The following NCF1 variants were observed in gnomAD, a reference collection of about 807,000 sequenced individuals.
NCF1 encodes the protein neutrophil cytosol factor 1.
In NCF1, 8 loss-of-function variants were observed where a neutral mutation model predicts 34.9. The observed-to-expected ratio is 0.23, with a 90% CI of 0.13 to 0.41. The LOEUF (loss-of-function observed/expected upper bound fraction) is 0.41, where lower values mean the gene tolerates loss of function less well. Among genes scored for constraint, NCF1 ranks in the 10% least tolerant of loss-of-function variants. NCF1 has a pLI of 1.00. For missense variants in NCF1, 122 were observed against 362.4 expected, an observed-to-expected ratio of 0.34 and a Z score of 5.39; for synonymous variants, 57 against 146.3, an observed-to-expected ratio of 0.39 and a Z score of 4.41.
At chr7:74,782,447 A>C (rs1347773708) in intron 5 of NCF1, among the ~76,000 whole-genome samples, 2 of 83,490 alleles carry the variant, frequency 2.4e-5, no homozygotes, top group African/African-American at 1.0e-4. Context: ...AAAAAAAAAA[A>C]AAAGTTGGGA....
At chr7:74,782,387 C>T (rs1304549031) in intron 5 of NCF1, among the ~76,000 whole-genome samples, 1 of 75,842 alleles carries the variant, frequency 1.3e-5, no homozygotes, top group Non-Finnish European at 2.6e-5. Context: ...TGCAATGAGC[C>T]AAGATTGCAC....
At chr7:74,777,236 A>G (rs1554413100) in intron 1 of NCF1, 31 bp from the exon 2 acceptor site, 1 of 1,606,112 alleles carries the variant, frequency 6.2e-7, no homozygotes, top group African/African-American at 1.3e-5. Context: ...TGGAGGCTGA[A>G]TGGGGTCCCC....
intron 8 of NCF1, among the ~76,000 whole-genome samples, chr7:74,786,945 TG>T (rs1192108611): frequency 6.8e-6 from 1 of 146,472 alleles, no homozygotes; most frequent in Non-Finnish European, 1.5e-5. Flanking sequence ...AGTTTTCTTT[TG>T]TTTTTTTTTT....
chr7:74,783,393 G>T, intron 6 of NCF1, 132 bp from the exon 7 acceptor site: 1 of 1,038,064 alleles, frequency 9.6e-7, no homozygotes, highest in Non-Finnish European at 1.5e-6. Flanking sequence ...GTCCAGTGTG[G>T]TGAAGGTGAC....
chr7:74,787,088 C>CACAT (rs1796688139), intron 8 of NCF1, among the ~76,000 whole-genome samples: 1 of 147,778 alleles, frequency 6.8e-6, no homozygotes, highest in Admixed American at 6.8e-5. Flanking sequence ...TCACACTGTA[C>CACAT]ACATATGTTT....
In NCF1 at chr7:74,783,635, G is replaced by T. The variant is rs1554414144; in HGVS notation, c.682+3G>T. Reference sequence around the variant, plus strand: ...AGACCCTGAGCCCAACTATGCAGGTGCCCCCTGCCCTCCGAGGCTGTAGGG... The same window carrying T: ...AGACCCTGAGCCCAACTATGCAGGTTCCCCCTGCCCTCCGAGGCTGTAGGG... On this transcript the variant is annotated splice_donor_region_variant and intron_variant, in intron 7 of 10. Coordinates refer to ENST00000289473, the MANE Select transcript of NCF1 (RefSeq NM_000265.7). 6.2e-7 allele frequency: 1 copy of T among 1,610,548 alleles called. No individual in the cohort carries two copies.
At chr7:74,783,152 C>G (rs1796606263) in intron 6 of NCF1, 91 bp downstream of exon 6, 5 of 1,574,716 alleles carry the variant, frequency 3.2e-6, no homozygotes, top group East Asian at 2.3e-5. Context: ...AGCCTTGCCC[C>G]TGGGAGGACT....
At chr7:74,781,265 A>AAG (rs1442439851) in intron 5 of NCF1, among the ~76,000 whole-genome samples, 4 of 60,964 alleles carry the variant, frequency 6.6e-5, no homozygotes, top group African/African-American at 2.7e-4. Flanking sequence ...AAAAAAAAAA[A>AAG]GAAGAATTGG....
intron 8 of NCF1, among the ~76,000 whole-genome samples, chr7:74,786,043 G>A (rs1554414519): frequency 8.7e-6 from 1 of 115,234 alleles, no homozygotes. Context: ...GACCAACCTG[G>A]GCAATGTAGG....
chr7:74,779,117 G>C lies in NCF1; in HGVS notation c.189G>C (p.Gly63=). 1.5e-6 allele frequency: 2 copies of C among 1,347,396 alleles called. No homozygotes were observed. The highest frequency in any genetic ancestry group is 2.1e-6 in the Non-Finnish European group (2 of 957,496). The allele number at this position is 1,347,396 out of a possible 1,614,324, so 83.5% of individuals were successfully genotyped here. ...AAGAAATGTTCCCTATTGAGGCAGGGGCGATCAATCCAGAGAACAGGATCA... is the reference window on the plus strand; with the variant it reads ...AAGAAATGTTCCCTATTGAGGCAGGCGCGATCAATCCAGAGAACAGGATCA... The part of the protein sequence containing the change: ...TLKEMFPIEA[G]AINPENRIIP... The change falls in exon 3 of 11, where the codon GGG becomes GGC. Residue 63 remains glycine (G), a synonymous_variant. Transcript: ENST00000289473.
chr7:74,788,548 C>G lies in NCF1; in HGVS notation c.906-11C>G. On this transcript the variant is annotated splice_polypyrimidine_tract_variant and intron_variant, in intron 9 of 10. Transcript: ENST00000289473. ...CTCGGGCTTTGACGACGCCCCGTCC[C>G]GCTGGGCCAGGTCGTCCATCCGCAA... The G allele has an allele frequency of 6.5e-7, 1 of 1,541,122 alleles. No individual in the cohort carries two copies. The highest frequency in any genetic ancestry group is 8.7e-7 in the Non-Finnish European group (1 of 1,146,058).
chr7:74,783,091 C>A, intron 6 of NCF1, 30 bp downstream of exon 6: 1 of 1,603,890 alleles, frequency 6.2e-7, no homozygotes. Context: ...GGGGCTCCTT[C>A]CCCTGGTGCT....
chr7:74,787,507 G>T (rs1353589169), intron 8 of NCF1, among the ~76,000 whole-genome samples: 5 of 152,110 alleles, frequency 3.3e-5, no homozygotes, highest in Non-Finnish European at 5.9e-5. Context: ...GTAGGCAAAG[G>T]TTCGTAGGAG....
chr7:74,783,831 C>A (rs587605880), intron 7 of NCF1, among the ~76,000 whole-genome samples, 199 bp downstream of exon 7: 5 of 152,248 alleles, frequency 3.3e-5, no homozygotes, highest in East Asian at 1.9e-4. Context: ...GGAGGAGGAG[C>A]AGACGACTGG....
rs1796715865 is a variant in NCF1 at position 74,788,566 on chromosome 7, A to G, written c.913A>G (p.Ile305Val). ...CCCGTCCCGCTGGGCCAGGTCGTCC[A>G]TCCGCAACGCGCACAGCATCCACCA... ...KRGAPPRRSSIRNAHSIHQRS... is the reference protein window; with the variant it reads ...KRGAPPRRSSVRNAHSIHQRS... Residue 305 changes from isoleucine to valine, a missense_variant, in exon 10 of 11, where the codon ATC (isoleucine) becomes GTC (valine). By Grantham distance (29) the Ile-to-Val change is conservative. Transcript: ENST00000289473. The G allele has an allele frequency of 6.5e-7, 1 of 1,547,024 alleles. No individual in the cohort carries two copies. Among genetic ancestry groups the G allele is most frequent in the Non-Finnish European group, 8.7e-7 (1 of 1,148,332 alleles).
intron 5 of NCF1, among the ~76,000 whole-genome samples, chr7:74,782,472 G>GAAA (rs1796588855): frequency 1.3e-5 from 1 of 78,920 alleles, no homozygotes; most frequent in African/African-American, 5.5e-5. Context: ...GCCAGGTGCA[G>GAAA]TGGCTCCACA....
chr7:74,787,597 G>C (rs1215572838), intron 8 of NCF1, among the ~76,000 whole-genome samples: 1 of 151,752 alleles, frequency 6.6e-6, no homozygotes, highest in African/African-American at 2.4e-5. Context: ...TTTTTCGGGA[G>C]GTAGAGATAG....
intron 5 of NCF1, chr7:74,781,667 G>C (rs1796570154): frequency 6.7e-6 from 1 of 148,602 alleles, no homozygotes; most frequent in Admixed American, 6.8e-5. Context: ...CAAGTAGCTG[G>C]GATTACAGGT....
At chr7:74,777,662 G>A (rs1432587242) in intron 2 of NCF1, 16 of 346,746 alleles carry the variant, frequency 4.6e-5, no homozygotes, top group East Asian at 1.5e-4. Context: ...GGGCTCAAGC[G>A]ATCCTCCTGC....
Sources: gnomAD v4.1 joint callset for allele counts (sites outside exome capture counted in the v4.1 genomes callset) on GRCh38, gnomAD v4.1.1 for gene constraint, MANE v1.5 for transcripts, NCBI Gene and HGNC (gene_info 2026-07-23, HGNC 2026-07-21) for gene names.